NRTN: variants seen among roughly 807,000 people sequenced by gnomAD.
NRTN encodes neurturin, also known as prepro-neurturin.
NRTN carries 3 observed loss-of-function variants against 7.5 expected under a neutral mutation model. The ratio of observed to expected loss-of-function variants is 0.40; its 90% CI spans 0.18 to 1.03. The LOEUF (loss-of-function observed/expected upper bound fraction) is 1.03, where lower values mean the gene tolerates loss of function less well. NRTN is among the 50% of genes least tolerant of loss of function. NRTN has a pLI of 0.34. For synonymous variants in NRTN, 157 were observed against 146.6 expected, an observed-to-expected ratio of 1.07 and a Z score of -0.51; for missense variants, 310 against 307.0, an observed-to-expected ratio of 1.01 and a Z score of -0.07.
chr19:5,817,027 C>A (rs539191567), intron 1 of NRTN, among the ~76,000 whole-genome samples: 20 of 152,176 alleles, frequency 1.3e-4, no homozygotes, highest in Admixed American at 1.3e-3. Context: ...TGCATGGGAT[C>A]ATGTTTGGGT....
intron 1 of NRTN, among the ~76,000 whole-genome samples, chr19:5,813,124 C>T (rs1568396748): frequency 6.6e-6 from 1 of 151,774 alleles, no homozygotes; most frequent in Non-Finnish European, 1.5e-5. Flanking sequence ...CCTGTAATCA[C>T]AGCACTTTGG....
chr19:5,815,548 TACTC>T (rs71172775), intron 1 of NRTN, among the ~76,000 whole-genome samples: 16,165 of 147,958 alleles, frequency 0.11, 1,154 homozygotes, highest in Non-Finnish European at 0.17. Context: ...TCTCCTGCCT[TACTC>T]ACTCTCCCTA....
chr19:5,826,354 T>C (rs1233763047), intron 2 of NRTN, among the ~76,000 whole-genome samples: 1 of 151,792 alleles, frequency 6.6e-6, no homozygotes, highest in Admixed American at 6.6e-5. Flanking sequence ...CCCGCACCGA[T>C]TTCCCACCCT....
intron 1 of NRTN, among the ~76,000 whole-genome samples, chr19:5,818,811 G>A (rs567721075): frequency 2.4e-4 from 36 of 151,866 alleles, no homozygotes; most frequent in Non-Finnish European, 3.4e-4. Flanking sequence ...CCAGTTAGGT[G>A]GCCCCCGAGA....
At position 5,828,321 on chromosome 19, in the gene NRTN, T is replaced by G. The variant is rs1235597875; in HGVS notation, c.*148T>G. The G allele has an allele frequency of 1.0e-5, 9 of 897,308 alleles. No homozygotes were observed. The highest frequency in any genetic ancestry group is 1.4e-5 in the Non-Finnish European group (9 of 634,002). The allele number at this position is 897,308 out of a possible 1,614,324, so 55.6% of individuals were successfully genotyped here. A position where few individuals can be genotyped will look rare whatever the true frequency, so the allele number is the denominator to read the frequency against. On this transcript the variant is annotated 3_prime_UTR_variant, in exon 3 of 3. Transcript: ENST00000303212. ...CTGTACTGAGATAAAGTGTGGCAAC[T>G]CGAGCTGGCTGGTGATTCATCCTCG...
Position 5,823,779 on chromosome 19 carries a change from C to G in NRTN, c.-387C>G, listed in dbSNP as rs1599639183. ...CCCTGGCTCCTCAGCTGCAGCCGCT[C>G]CGGCCTCCTTGCTGTTCCTGGGATA... On this transcript the variant is annotated 5_prime_UTR_variant, in exon 2 of 3. Coordinates refer to ENST00000303212, the MANE Select transcript of NRTN (RefSeq NM_004558.5). 1 of 351,694 alleles carries G rather than the reference C, an allele frequency of 2.8e-6. No individual in the cohort carries two copies. The highest frequency in any genetic ancestry group is 2.7e-5 in the South Asian group (1 of 36,656). The allele number at this position is 351,694 out of a possible 1,614,324, so 21.8% of individuals were successfully genotyped here. A position where few individuals can be genotyped will look rare whatever the true frequency, so the allele number is the denominator to read the frequency against.
At chr19:5,815,428 T>A (rs906749372) in intron 1 of NRTN, among the ~76,000 whole-genome samples, 5 of 102,222 alleles carry the variant, frequency 4.9e-5, no homozygotes, top group Non-Finnish European at 5.5e-5. Flanking sequence ...GTGAGTGTGA[T>A]TTTTTTTTTT....
chr19:5,818,286 G>A (rs1038746491), intron 1 of NRTN, among the ~76,000 whole-genome samples: 8 of 152,170 alleles, frequency 5.3e-5, no homozygotes, highest in South Asian at 4.1e-4. Context: ...GTTTGAGCAC[G>A]CAAGTGTGCT....
chr19:5,817,952 G>A (rs1159575518), intron 1 of NRTN, among the ~76,000 whole-genome samples: 94 of 148,140 alleles, frequency 6.3e-4, no homozygotes, highest in Admixed American at 1.1e-3. Context: ...GGCGCACACT[G>A]CCACACCCGG....
chr19:5,827,962 G>T lies in NRTN; in HGVS notation c.383G>T (p.Arg128Leu). Residue 128 changes from arginine (R) to leucine (L), a missense_variant, in exon 3 of 3, where the codon CGC (arginine) becomes CTC (leucine). Physicochemically the swap from Arg to Leu is moderately radical, Grantham distance 102. Transcript: ENST00000303212. ...GCGTCCGACGAGACGGTGCTGTTCC[G>T]CTACTGCGCAGGCGCCTGCGAGGCT... ...GYASDETVLF[R>L]YCAGACEAAA... 1 of 1,485,882 alleles carries T rather than the reference G, an allele frequency of 6.7e-7. No individual in the cohort carries two copies. The highest frequency in any genetic ancestry group is 8.9e-7 in the Non-Finnish European group (1 of 1,124,704). The allele number at this position is 1,485,882 out of a possible 1,614,324, so 92.0% of individuals were successfully genotyped here.
chr19:5,813,926 T>C (rs2056997777), intron 1 of NRTN, among the ~76,000 whole-genome samples: 1 of 151,994 alleles, frequency 6.6e-6, no homozygotes, highest in South Asian at 2.1e-4. Flanking sequence ...GAGAATGGCT[T>C]GAACCTGAGA....
intron 1 of NRTN, among the ~76,000 whole-genome samples, chr19:5,810,061 C>T (rs886285845): frequency 4.6e-5 from 7 of 151,400 alleles, no homozygotes; most frequent in African/African-American, 1.7e-4. Context: ...GTCAGGAGAT[C>T]AAGACCATCC....
Position 5,805,284 on chromosome 19 carries a change from G to GA in NRTN, c.-566_-565insA, listed in dbSNP as rs2056971663. ...CAGCCCGCGGCTAAGCGAGCCCGGG[G>GA]GGCCCCATGGGCCGGCCCGCGCCGC... On this transcript the variant is annotated 5_prime_UTR_variant, in exon 1 of 3. Transcript: ENST00000303212. Among the ~76,000 whole-genome samples the GA allele has an allele frequency of 6.9e-6, 1 of 145,648 alleles. No homozygotes were observed. The highest frequency in any genetic ancestry group is 1.5e-5 in the Non-Finnish European group (1 of 65,582).
chr19:5,810,927 CAA>C (rs58641753), intron 1 of NRTN, among the ~76,000 whole-genome samples: 22 of 136,442 alleles, frequency 1.6e-4, no homozygotes, highest in African/African-American at 5.5e-4. Context: ...GACTCCATCT[CAA>C]AAAAAAAAAA....
rs1237084032 is a variant in NRTN, at chr19:5,823,958, C to T, written c.-208C>T. 1.1e-5 allele frequency: 7 copies of T among 666,156 alleles called. No individual in the cohort carries two copies. In the East Asian group the frequency reaches 1.4e-4, roughly 13 times the overall value. The allele number at this position is 666,156 out of a possible 1,614,324, so 41.3% of individuals were successfully genotyped here. A position where few individuals can be genotyped will look rare whatever the true frequency, so the allele number is the denominator to read the frequency against. ...GCACTCCGGGACCCCCAGATGGGGG[C>T]GGTTCCCTGTGACTCCTGGCACGGA... On this transcript the variant is annotated 5_prime_UTR_variant, in exon 2 of 3. Coordinates refer to ENST00000303212, the MANE Select transcript of NRTN (RefSeq NM_004558.5).
chr19:5,817,397 G>C (rs2057008210), intron 1 of NRTN, among the ~76,000 whole-genome samples: 1 of 149,246 alleles, frequency 6.7e-6, no homozygotes, highest in South Asian at 2.1e-4. Flanking sequence ...AAAGGAGTGA[G>C]GGAGGGAGGG....
At position 5,823,978 on chromosome 19, in the gene NRTN, C is replaced by G; in HGVS notation, c.-188C>G. ...GGGGGCGGTTCCCTGTGACTCCTGG[C>G]ACGGAGGCCAACCCCTTCCTTGTTC... On this transcript the variant is annotated 5_prime_UTR_variant, in exon 2 of 3. Transcript: ENST00000303212. 1 of 784,746 alleles carries G rather than the reference C, an allele frequency of 1.3e-6. No individual in the cohort carries two copies. Among genetic ancestry groups the G allele is most frequent in the Admixed American group, 2.3e-5 (1 of 44,350 alleles). 48.6% of individuals were successfully genotyped at this position (784,746 alleles called of 1,614,324 possible).
rs2057035753 is a variant in NRTN at position 5,824,039 on chromosome 19, C to T, written c.-127C>T. Reference sequence around the variant, plus strand: ...TGAGGGACCATTCCCATGTGATTATCGACCATTCGGCAGGCGTTCAAAGTC... The same window carrying T: ...TGAGGGACCATTCCCATGTGATTATTGACCATTCGGCAGGCGTTCAAAGTC... On this transcript the variant is annotated 5_prime_UTR_variant, in exon 2 of 3. Transcript: ENST00000303212. 6 of 1,212,280 alleles carry T rather than the reference C, an allele frequency of 4.9e-6. No individual in the cohort carries two copies. The highest frequency in any genetic ancestry group is 4.4e-5 in the African/African-American group (3 of 67,452). 75.1% of individuals were successfully genotyped at this position (1,212,280 alleles called of 1,614,324 possible). A position where few individuals can be genotyped will look rare whatever the true frequency, so the allele number is the denominator to read the frequency against.
rs2056986396 is a variant in NRTN at position 5,810,338 on chromosome 19, C to T, written c.-399+4887C>T. Reference sequence around the variant, plus strand: ...ATGTTGGCCAGGCTGGTGTTGAACTCCTGGTCTCAAGCAGTCCTCCCACCT... The same window carrying T: ...ATGTTGGCCAGGCTGGTGTTGAACTTCTGGTCTCAAGCAGTCCTCCCACCT... On this transcript the variant is annotated intron_variant, in intron 1 of 2. Coordinates refer to ENST00000303212, the MANE Select transcript of NRTN (RefSeq NM_004558.5). Among the ~76,000 whole-genome samples the T allele has an allele frequency of 2.6e-5, 4 of 151,366 alleles. No homozygotes were observed. In the South Asian group the frequency reaches 8.4e-4, roughly 32 times the overall value.
Sources: gnomAD v4.1 joint callset for allele counts (sites outside exome capture counted in the v4.1 genomes callset) on GRCh38, gnomAD v4.1.1 for gene constraint, MANE v1.5 for transcripts, NCBI Gene and HGNC (gene_info 2026-07-23, HGNC 2026-07-21) for gene names.